The following MAP4K5 variants were observed in gnomAD, a reference collection of about 807,000 sequenced individuals.
MAP4K5 encodes the protein MAPK/ERK kinase kinase kinase 5.
In MAP4K5, 82 loss-of-function variants were observed where a neutral mutation model predicts 135.6. That is an observed-to-expected ratio of 0.60 (90% confidence interval 0.51 to 0.73). The LOEUF (loss-of-function observed/expected upper bound fraction) is 0.73. Among genes scored for constraint, MAP4K5 ranks in the 30% least tolerant of loss-of-function variants. The pLI is 0.00. For missense variants in MAP4K5, 907 were observed against 1,010.9 expected (o/e 0.90, Z 1.39); for synonymous variants, 347 against 335.0 (o/e 1.04, Z -0.39).
intron 3 of MAP4K5, among the ~76,000 whole-genome samples, chr14:50,497,855 A>G (rs1406361979): frequency 1.3e-5 from 2 of 151,988 alleles, no homozygotes; most frequent in Non-Finnish European, 2.9e-5. Flanking sequence ...GAACAAACCA[A>G]AAGGGTATTG....
intron 5 of MAP4K5, among the ~76,000 whole-genome samples, chr14:50,484,488 T>G (rs11157748): frequency 1.3e-5 from 2 of 152,212 alleles, no homozygotes; most frequent in Non-Finnish European, 2.9e-5. Flanking sequence ...TTCATTTTGC[T>G]ATACATTTAC....
intron 1 of MAP4K5, among the ~76,000 whole-genome samples, chr14:50,558,412 T>C (rs2038791535): frequency 6.6e-6 from 1 of 152,180 alleles, no homozygotes; most frequent in Non-Finnish European, 1.5e-5. Flanking sequence ...AAAAAATCAC[T>C]AATATGAAAT....
intron 28 of MAP4K5, among the ~76,000 whole-genome samples, chr14:50,432,556 C>CAAAAAAAAAAAAAA (rs56267301): frequency 7.1e-6 from 1 of 139,922 alleles, no homozygotes; most frequent in African/African-American, 3.0e-5. Context: ...ACAAAACTCT[C>CAAAAAAAAAAAAAA]AAAAAAAAAA....
chr14:50,444,047 T>A lies in MAP4K5; in HGVS notation c.1340-11A>T. 14 of 1,570,858 alleles carry A rather than the reference T, an allele frequency of 8.9e-6. No individual in the cohort carries two copies. Among genetic ancestry groups the A allele is most frequent in the Non-Finnish European group, 1.0e-5 (12 of 1,149,822 alleles). ...TACCATCACCATTTCCTAAAGAGAA[T>A]CATGTTAAAAGTTGAATGACCACAC... On this transcript the variant is annotated splice_polypyrimidine_tract_variant and intron_variant, in intron 18 of 32. Transcript: ENST00000682126.
intron 15 of MAP4K5, among the ~76,000 whole-genome samples, chr14:50,448,396 T>C (rs548169159): frequency 1.3e-5 from 2 of 151,636 alleles, no homozygotes; most frequent in Non-Finnish European, 2.9e-5. Flanking sequence ...GAAACTATAT[T>C]AACAAATAAA....
rs374782650 is a variant in MAP4K5 at position 50,505,834 on chromosome 14, C to T, written c.109-977G>A. The stretch of plus-strand genomic sequence containing the variant: ...TATAATAATCCTCTTTATTGTTGGA[C>T]ATAAAGGATGTTACATATAGTCTTT... On this transcript the variant is annotated intron_variant, in intron 2 of 32. Transcript: ENST00000682126. 1.1e-3 allele frequency among the ~76,000 whole-genome samples: 171 copies of T among 152,234 alleles called. 2 individuals are homozygous for T. In the South Asian group the frequency reaches 0.033, roughly 29 times the overall value.
chr14:50,490,417 G>T (rs989396904), intron 3 of MAP4K5, among the ~76,000 whole-genome samples: 1 of 152,002 alleles, frequency 6.6e-6, no homozygotes, highest in African/African-American at 2.4e-5. Flanking sequence ...TAACATTGGG[G>T]GTTTGTGTTT....
intron 1 of MAP4K5, chr14:50,560,159 C>G: frequency 7.3e-7 from 1 of 1,373,300 alleles, no homozygotes; most frequent in Non-Finnish European, 1.0e-6. Flanking sequence ...TCTGAGCGAA[C>G]TGCGCCCAGC....
At chr14:50,434,054 G>A (rs2036033691) in intron 28 of MAP4K5, among the ~76,000 whole-genome samples, 1 of 152,162 alleles carries the variant, frequency 6.6e-6, no homozygotes, top group Non-Finnish European at 1.5e-5. Context: ...AACAGGATAA[G>A]TGAAGCTCTT....
intron 2 of MAP4K5, among the ~76,000 whole-genome samples, chr14:50,527,427 T>G (rs114010268): frequency 6.8e-6 from 1 of 146,608 alleles, no homozygotes; most frequent in Non-Finnish European, 1.5e-5. Flanking sequence ...AAAAAAAAAA[T>G]GTACTTTTGT....
intron 21 of MAP4K5, among the ~76,000 whole-genome samples, chr14:50,441,775 C>T (rs944718829): frequency 1.4e-5 from 2 of 144,726 alleles, no homozygotes; most frequent in Non-Finnish European, 3.0e-5. Context: ...CACACACACA[C>T]ACACACACAC....
intron 9 of MAP4K5, among the ~76,000 whole-genome samples, chr14:50,473,379 G>GA (rs1288940652): frequency 2.7e-5 from 4 of 149,830 alleles, no homozygotes; most frequent in African/African-American, 7.3e-5. Context: ...GTTGGTATTA[G>GA]AAAAAAAAAG....
intron 15 of MAP4K5, 71 bp from the exon 16 acceptor site, chr14:50,447,552 A>AAACATTCCAGTGC: frequency 1.2e-6 from 1 of 832,706 alleles, no homozygotes. Flanking sequence ...TGATTCAAGA[A>AAACATTCCAGTGC]AACATTCCAG....
chr14:50,428,311 A>G (rs181491317), intron 30 of MAP4K5, among the ~76,000 whole-genome samples: 1 of 152,188 alleles, frequency 6.6e-6, no homozygotes, highest in East Asian at 1.9e-4. Flanking sequence ...GCTGGAATGC[A>G]ATGGCATGAT....
chr14:50,518,656 G>A lies in MAP4K5; in HGVS notation c.108+13286C>T, dbSNP rs1415140541. ...AGAGCCTAAAGCCTTCCCTTAGAAT[G>A]ACCCAAAATCTGTTCACATGACTTC... is the stretch of plus-strand genomic sequence containing the variant. On this transcript the variant is annotated intron_variant, in intron 2 of 32. Transcript: ENST00000682126. Among the ~76,000 whole-genome samples, 5 of 152,276 alleles carry A rather than the reference G, an allele frequency of 3.3e-5. No individual in the cohort carries two copies. The South Asian group carries it at 1.0e-3, about 32-fold the overall frequency.
In MAP4K5 at chr14:50,540,677, G is replaced by A. The variant is rs548818334; in HGVS notation, c.-94+1822C>T. On this transcript the variant is annotated intron_variant, in intron 2 of 8. Coordinates refer to the MAP4K5 transcript ENST00000555216. ...GTAGAGATTTAAGAAAGTCAAGTGG[G>A]ACTAAAGATCCACTCTGGAGTTATT... Among the ~76,000 whole-genome samples the A allele has an allele frequency of 1.1e-4, 16 of 152,278 alleles. 1 individual carries two copies. The highest frequency in any genetic ancestry group is 3.9e-4 in the African/African-American group (16 of 41,556).
chr14:50,453,087 T>C (rs1269593865), intron 14 of MAP4K5, among the ~76,000 whole-genome samples: 1 of 145,614 alleles, frequency 6.9e-6, no homozygotes, highest in East Asian at 2.0e-4. Context: ...TTAGTCAGTC[T>C]GGAGAATGAG....
chr14:50,532,345 G>A, intron 1 of MAP4K5, 103 bp downstream of exon 1: 1 of 327,110 alleles, frequency 3.1e-6, no homozygotes, highest in Non-Finnish European at 5.6e-6. Flanking sequence ...CCGGCCGCCC[G>A]CGAACTGCCC....
intron 2 of MAP4K5, among the ~76,000 whole-genome samples, chr14:50,540,796 A>G (rs2038551359): frequency 6.6e-6 from 1 of 152,218 alleles, no homozygotes; most frequent in Non-Finnish European, 1.5e-5. Flanking sequence ...GGTAGGAACA[A>G]GTGTAACCTC....
Sources: allele counts gnomAD v4.1 joint callset (sites outside exome capture counted in the v4.1 genomes callset), GRCh38; gene constraint gnomAD v4.1.1; transcripts MANE v1.5; gene names NCBI Gene and HGNC (gene_info 2026-07-23, HGNC 2026-07-21).